The following UBTF variants were observed in gnomAD, a reference collection of about 807,000 sequenced individuals.
UBTF encodes nucleolar transcription factor 1.
UBTF carries 8 observed loss-of-function variants against 112.3 expected under a neutral mutation model. That is an observed-to-expected ratio of 0.07 (90% CI 0.04 to 0.13). UBTF has a LOEUF of 0.13. Ranked by LOEUF, UBTF falls within the 10% of genes least tolerant of loss-of-function variation. The probability of loss-of-function intolerance (pLI) is 1.00; values close to 1 mark genes in which losing one functional copy is unlikely to be tolerated. For synonymous variants in UBTF, 417 were observed against 373.1 expected, an observed-to-expected ratio of 1.12 and a Z score of -1.36; for missense variants, 457 against 982.1, an observed-to-expected ratio of 0.47 and a Z score of 7.15.
In UBTF at chr17:44,217,060, G is replaced by A. The variant is rs1375039529; in HGVS notation, c.59-356C>T. Reference sequence around the variant, plus strand: ...AGTGATTCAGGGCTTTGTGGGAAACGAGGTAGCTTGTCAGAGAAGGAGGGA... The same window carrying A: ...AGTGATTCAGGGCTTTGTGGGAAACAAGGTAGCTTGTCAGAGAAGGAGGGA... On this transcript the variant is annotated intron_variant, in intron 2 of 20. Transcript: ENST00000436088. Among the ~76,000 whole-genome samples the A allele has an allele frequency of 7.9e-5, 12 of 152,228 alleles. 2 individuals are homozygous for A. In the South Asian group the frequency reaches 2.1e-3, roughly 26 times the overall value.
chr17:44,218,747 C>T (rs972820591), intron 1 of UBTF, among the ~76,000 whole-genome samples: 1 of 151,640 alleles, frequency 6.6e-6, no homozygotes, highest in Non-Finnish European at 1.5e-5. Flanking sequence ...CCCGCCTCCC[C>T]CCGGCCGGTT....
chr17:44,212,473 C>G lies in UBTF; in HGVS notation c.661-19G>C. ...TAGTGGCCTGCAAACCAAAAGCCGT[C>G]AGACACGCACAGGCAGCCAGGGGCA... On this transcript the variant is annotated intron_variant, in intron 7 of 20. Transcript: ENST00000436088. The G allele has an allele frequency of 7.1e-7, 1 of 1,412,754 alleles. No homozygotes were observed. Among genetic ancestry groups the G allele is most frequent in the Non-Finnish European group, 9.8e-7 (1 of 1,021,608 alleles). 87.5% of individuals were successfully genotyped at this position (1,412,754 alleles called of 1,614,324 possible). A position where few individuals can be genotyped will look rare whatever the true frequency, so the allele number is the denominator to read the frequency against.
In UBTF at chr17:44,207,325, C is replaced by T. The variant is rs1352360561; in HGVS notation, c.2212G>A (p.Asp738Asn). The change falls in exon 21 of 21, where the codon GAT becomes AAT. Residue 738 changes from aspartate (D) to asparagine (N), a missense_variant. Asp to Asn is a conservative substitution (Grantham distance 23, BLOSUM62 1). Coordinates refer to ENST00000436088, the MANE Select transcript of UBTF (RefSeq NM_014233.4). ...DEDEDDDEDD[D>N]EDEDNESEGS... ...TCGGACTCATTATCTTCATCCTCATCGTCATCCTCGTCGTCGTCTTCGTCC... is the reference window on the plus strand; with the variant it reads ...TCGGACTCATTATCTTCATCCTCATTGTCATCCTCGTCGTCGTCTTCGTCC... 3 of 1,612,074 alleles carry T rather than the reference C, an allele frequency of 1.9e-6. No individual in the cohort carries two copies. Among genetic ancestry groups the T allele is most frequent in the Admixed American group, 1.7e-5 (1 of 59,640 alleles).
intron 19 of UBTF, 35 bp downstream of exon 19, chr17:44,207,664 G>A (rs768907653): frequency 1.7e-5 from 27 of 1,614,004 alleles, no homozygotes; most frequent in African/African-American, 4.0e-5. Flanking sequence ...AGTGCCCCCC[G>A]CCCCACGCCC....
rs1393544778 is a variant in UBTF at position 44,211,029 on chromosome 17, C to T, written c.1203+10G>A. The T allele has an allele frequency of 6.2e-7, 1 of 1,608,636 alleles. No individual in the cohort carries two copies. Among genetic ancestry groups the T allele is most frequent in the Non-Finnish European group, 8.5e-7 (1 of 1,178,502 alleles). ...CCACCCCCGCCTGCGCGGCCGCACC[C>T]TCTGCCCACCTTGCCCCCTTCCTGG... On this transcript the variant is annotated intron_variant, in intron 12 of 20. Coordinates refer to ENST00000436088, the MANE Select transcript of UBTF (RefSeq NM_014233.4). This position sits in a 1 kb window ranked among gnomAD's most constrained non-coding sequence, Gnocchi z 4.9.
chr17:44,220,383 C>T (rs899165932), upstream of UBTF, among the ~76,000 whole-genome samples: 2 of 152,116 alleles, frequency 1.3e-5, no homozygotes, highest in Non-Finnish European at 2.9e-5. Flanking sequence ...GCGAGCGGTC[C>T]GCGCCCACCC....
At chr17:44,208,091 AATT>A (rs1395187690) in intron 17 of UBTF, among the ~76,000 whole-genome samples, 180 bp from the exon 18 acceptor site, 346 of 116,396 alleles carry the variant, frequency 3.0e-3, no homozygotes, top group East Asian at 8.9e-3. Flanking sequence ...ACACAGCTCT[AATT>A]TTTTTTTTTT....
chr17:44,210,725 C>G (rs1487847217), intron 13 of UBTF, 67 bp downstream of exon 13: 3 of 1,538,676 alleles, frequency 1.9e-6, no homozygotes, highest in African/African-American at 2.8e-5. Context: ...GTGGCACGGC[C>G]CGCCAAGGGG....
chr17:44,218,984 A>G (rs1234214487), intron 1 of UBTF: 4 of 72,852 alleles, frequency 5.5e-5, no homozygotes, highest in Non-Finnish European at 1.1e-4. Flanking sequence ...AGGCGCCGCC[A>G]CCGCCCAGCC....
Position 44,215,798 on chromosome 17 carries a change from G to A in UBTF, c.330C>T (p.Asp110=). 6.2e-7 allele frequency: 1 copy of A among 1,614,182 alleles called. No individual in the cohort carries two copies. The highest frequency in any genetic ancestry group is 8.5e-7 in the Non-Finnish European group (1 of 1,180,022). ...AAGGGGTCAGGGGCTTCTTTGGGAA[G>A]TCTGGGTGTTTCTGGAAGAAGGGAC... The part of the protein sequence containing the change: ...YKGKKLKKHP[D]FPKKPLTPYF... Residue 110 remains aspartate, a synonymous_variant, in exon 5 of 21, where the codon GAC becomes GAT. Transcript: ENST00000436088.
In UBTF at chr17:44,207,964, G is replaced by A. The variant is rs2056372650; in HGVS notation, c.1906-53C>T. On this transcript the variant is annotated intron_variant, in intron 17 of 20. Transcript: ENST00000436088. ...GGAACATAGCCAACTACTGCTGACT[G>A]AGCATGCTGGCCCAGTGCTAGGCAG... is the stretch of plus-strand genomic sequence containing the variant. 5.6e-6 allele frequency: 9 copies of A among 1,611,390 alleles called. No homozygotes were observed. The South Asian group carries it at 6.6e-5, about 12-fold the overall frequency.
chr17:44,209,280 G>A, intron 17 of UBTF, 72 bp downstream of exon 17: 1 of 1,466,920 alleles, frequency 6.8e-7, no homozygotes, highest in Non-Finnish European at 9.1e-7. Flanking sequence ...GTGGGTGGAT[G>A]GGCCAGGCTA....
intron 5 of UBTF, among the ~76,000 whole-genome samples, chr17:44,214,547 A>T (rs1185347827): frequency 4.6e-5 from 7 of 151,746 alleles, no homozygotes; most frequent in Non-Finnish European, 2.9e-5. Context: ...ATCCCATGAG[A>T]GTGTTTGGGT....
chr17:44,207,662 C>A (rs1567786976), intron 19 of UBTF, 37 bp downstream of exon 19: 5 of 1,614,212 alleles, frequency 3.1e-6, no homozygotes, highest in Non-Finnish European at 4.2e-6. Flanking sequence ...GCAGTGCCCC[C>A]CGCCCCACGC....
At chr17:44,215,105 G>A (rs541643066) in intron 5 of UBTF, among the ~76,000 whole-genome samples, 31 of 115,122 alleles carry the variant, frequency 2.7e-4, no homozygotes, top group Admixed American at 8.9e-4. Flanking sequence ...ACACGTGTGC[G>A]TGGAGAAGTG....
intron 13 of UBTF, 26 bp downstream of exon 13, chr17:44,210,766 C>T (rs1327164855): frequency 6.4e-7 from 1 of 1,553,704 alleles, no homozygotes; most frequent in Non-Finnish European, 8.7e-7. Flanking sequence ...CCCCTGGGGG[C>T]ACAGCGCTCC....
chr17:44,220,183 G>A (rs1196276034), upstream of UBTF, among the ~76,000 whole-genome samples: 2 of 151,880 alleles, frequency 1.3e-5, no homozygotes, highest in Non-Finnish European at 2.9e-5. Context: ...GACCTCGCCA[G>A]ACCCGCGGGG....
At chr17:44,209,565 A>C in intron 16 of UBTF, 24 bp from the exon 17 acceptor site, 7 of 1,612,068 alleles carry the variant, frequency 4.3e-6, no homozygotes, top group Non-Finnish European at 5.9e-6. Flanking sequence ...TGGTAGAAGG[A>C]GGGTCAGGAC....
At position 44,207,493 on chromosome 17, in the gene UBTF, A is replaced by G; in HGVS notation, c.2130T>C (p.Ser710=). 1.2e-6 allele frequency: 2 copies of G among 1,613,632 alleles called. No homozygotes were observed. The highest frequency in any genetic ancestry group is 1.7e-5 in the Admixed American group (1 of 59,972). The change falls in exon 20 of 21, where the codon TCT becomes TCC. Residue 710 remains serine, a synonymous_variant. Coordinates refer to ENST00000436088, the MANE Select transcript of UBTF (RefSeq NM_014233.4). ...GDSSEDGGDS[S]ESSSEDESED... Reference sequence around the variant, plus strand: ...CGCTCTCGTCCTCGCTGCTGGACTCAGAGGAGTCGCCGCCATCTTCAGAGG... The same window carrying G: ...CGCTCTCGTCCTCGCTGCTGGACTCGGAGGAGTCGCCGCCATCTTCAGAGG...
Sources: allele counts gnomAD v4.1 joint callset (sites outside exome capture counted in the v4.1 genomes callset), GRCh38; gene constraint gnomAD v4.1.1; non-coding constraint Gnocchi (gnomAD v3.1); transcripts MANE v1.5; gene names NCBI Gene and HGNC (gene_info 2026-07-23, HGNC 2026-07-21).